LPIN2: variants seen among roughly 807,000 people sequenced by gnomAD.
LPIN2 encodes phosphatidate phosphatase LPIN2.
LPIN2 carries 55 observed loss-of-function variants against 111.4 expected under a neutral mutation model. The ratio of observed to expected loss-of-function variants is 0.49; its 90% CI spans 0.40 to 0.62. LPIN2 has a LOEUF of 0.62. LPIN2 is among the 20% of genes least tolerant of loss of function. The pLI, the probability that LPIN2 is intolerant of heterozygous loss-of-function variation, is 0.00. For synonymous variants in LPIN2, 425 were observed against 414.0 expected (o/e 1.03, Z -0.32); for missense variants, 992 against 1,112.1 (o/e 0.89, Z 1.54).
At chr18:2,982,299 G>T (rs1851864536) in intron 1 of LPIN2, among the ~76,000 whole-genome samples, 1 of 152,024 alleles carries the variant, frequency 6.6e-6, no homozygotes, top group Non-Finnish European at 1.5e-5. Flanking sequence ...ACTTTTATAT[G>T]ATTTTTACTA....
In LPIN2 at chr18:2,920,801, T is replaced by G. The variant is rs1181744023; in HGVS notation, c.2523A>C (p.Glu841Asp). The G allele has an allele frequency of 6.2e-7, 1 of 1,614,132 alleles. No individual in the cohort carries two copies. The highest frequency in any genetic ancestry group is 2.2e-5 in the East Asian group (1 of 44,882). Residue 841 changes from glutamate (E) to aspartate (D), a missense_variant, in exon 19 of 20, where the codon GAA (glutamate) becomes GAC (aspartate). By Grantham distance (45) the Glu-to-Asp change is conservative. Around this residue, in one of 4 missense-constraint regions of LPIN2, gnomAD observed 185 missense variants for 186.5 expected, o/e 0.99. Transcript: ENST00000677752. ...ACGATGACTTGTTTCCTTTGGTTCT[T>G]TCTTGTATTAATTCACCCTTGGGGT... is the stretch of plus-strand genomic sequence containing the variant. ...TVNPKGELIQ[E>D]RTKGNKSSYH...
At chr18:2,940,849 A>G in intron 4 of LPIN2, 137 bp from the exon 5 acceptor site, 1 of 677,148 alleles carries the variant, frequency 1.5e-6, no homozygotes, top group Non-Finnish European at 2.7e-6. Context: ...AAAATATATG[A>G]AGGAGAAGGG....
At chr18:2,994,121 G>A (rs1030099131) in intron 1 of LPIN2, among the ~76,000 whole-genome samples, 2 of 152,180 alleles carry the variant, frequency 1.3e-5, no homozygotes, top group African/African-American at 4.8e-5. Flanking sequence ...ATAAATGTAC[G>A]CCTATCATTC....
intron 1 of LPIN2, among the ~76,000 whole-genome samples, chr18:3,010,170 A>G (rs1316658009): frequency 6.6e-6 from 1 of 152,216 alleles, no homozygotes; most frequent in Non-Finnish European, 1.5e-5. Flanking sequence ...CACACATGTA[A>G]TAAGCGTTTA....
intron 1 of LPIN2, among the ~76,000 whole-genome samples, chr18:2,966,523 A>C (rs2077806712): frequency 6.6e-6 from 1 of 152,218 alleles, no homozygotes; most frequent in Non-Finnish European, 1.5e-5. Context: ...TTAATATTCA[A>C]ACTCAAGTAT....
At chr18:2,958,141 C>CCAAAAAAAAAAAAAAA in intron 2 of LPIN2, among the ~76,000 whole-genome samples, 1 of 11,946 alleles carries the variant, frequency 8.4e-5, no homozygotes, top group South Asian at 3.3e-3. Flanking sequence ...GACTCCATCT[C>CCAAAAAAAAAAAAAAA]AAAAAAAAAA....
At chr18:2,971,714 G>T (rs2077915744) in intron 1 of LPIN2, among the ~76,000 whole-genome samples, 1 of 145,960 alleles carries the variant, frequency 6.9e-6, no homozygotes, top group Non-Finnish European at 1.5e-5. Context: ...TAAAATTCAA[G>T]AGGTAAGTGA....
At chr18:2,974,449 T>C (rs992588663) in intron 1 of LPIN2, among the ~76,000 whole-genome samples, 1 of 152,232 alleles carries the variant, frequency 6.6e-6, no homozygotes, top group African/African-American at 2.4e-5. Context: ...AATCCTTCCT[T>C]TGTAAAATAA....
chr18:3,009,140 C>A (rs2078562884), intron 1 of LPIN2, among the ~76,000 whole-genome samples: 1 of 152,080 alleles, frequency 6.6e-6, no homozygotes, highest in Non-Finnish European at 1.5e-5. Flanking sequence ...TGGCTCACGT[C>A]TGTAATCCCA....
At chr18:3,010,738 T>C (rs2078588634) in intron 1 of LPIN2, among the ~76,000 whole-genome samples, 1 of 152,138 alleles carries the variant, frequency 6.6e-6, no homozygotes, top group Non-Finnish European at 1.5e-5. Flanking sequence ...CACTAATCTA[T>C]CAACTAACAA....
intron 4 of LPIN2, among the ~76,000 whole-genome samples, chr18:2,942,787 A>C (rs2077382401): frequency 6.6e-6 from 1 of 152,242 alleles, no homozygotes; most frequent in South Asian, 2.1e-4. Flanking sequence ...TCAAAATGGC[A>C]GGTATGCCTT....
intron 1 of LPIN2, among the ~76,000 whole-genome samples, chr18:2,970,753 A>C (rs537952768): frequency 1.3e-5 from 2 of 152,188 alleles, no homozygotes; most frequent in East Asian, 1.9e-4. Context: ...AAAAATTTTT[A>C]ATTTTTTAAA....
At chr18:2,966,814 G>A (rs1396482944) in intron 1 of LPIN2, among the ~76,000 whole-genome samples, 9 of 152,132 alleles carry the variant, frequency 5.9e-5, no homozygotes, top group Admixed American at 5.2e-4. Flanking sequence ...TCCTGGGAGC[G>A]CCACATGTCA....
At chr18:3,001,862 A>T (rs1418155458) in intron 1 of LPIN2, among the ~76,000 whole-genome samples, 1 of 152,214 alleles carries the variant, frequency 6.6e-6, no homozygotes, top group African/African-American at 2.4e-5. Flanking sequence ...AATAAGAATC[A>T]CATTTACAGA....
intron 7 of LPIN2, 42 bp downstream of exon 7, chr18:2,937,650 C>T (rs538285433): frequency 2.0e-6 from 3 of 1,479,304 alleles, no homozygotes; most frequent in African/African-American, 1.4e-5. Context: ...AATTTACCAT[C>T]TAATTTGAGA....
Position 2,920,261 on chromosome 18 carries a change from A to AC in LPIN2, c.*31dup. Reference sequence around the variant, plus strand: ...GCCTTCCCTTGCTGTGGGGAGGGGGACCAAGCCCTGCCCACCCACTGAGGT... The same window carrying AC: ...GCCTTCCCTTGCTGTGGGGAGGGGGACCCAAGCCCTGCCCACCCACTGAGGT... On this transcript the variant is annotated 3_prime_UTR_variant, in exon 20 of 20. Coordinates refer to ENST00000677752, the MANE Select transcript of LPIN2 (RefSeq NM_001375808.2). 1 of 1,613,526 alleles carries AC rather than the reference A, an allele frequency of 6.2e-7. No homozygotes were observed. Among genetic ancestry groups the AC allele is most frequent in the South Asian group, 1.1e-5 (1 of 91,060 alleles).
intron 7 of LPIN2, among the ~76,000 whole-genome samples, chr18:2,935,514 A>T (rs1598537259): frequency 1.3e-5 from 2 of 152,176 alleles, no homozygotes; most frequent in Non-Finnish European, 2.9e-5. Flanking sequence ...TAGGAGAGAG[A>T]GTTCTAAAAT....
At chr18:2,940,758 T>A in intron 4 of LPIN2, 46 bp from the exon 5 acceptor site, 1 of 1,175,444 alleles carries the variant, frequency 8.5e-7, no homozygotes. Context: ...GACATTCTTG[T>A]CAGCTTTAAA....
At chr18:3,000,810 G>T (rs73367294) in intron 1 of LPIN2, among the ~76,000 whole-genome samples, 6,706 of 152,226 alleles carry the variant, frequency 0.044, 197 homozygotes, top group East Asian at 0.076. Context: ...GGTACTTCCC[G>T]TGTTCCCTCC....
Sources: gnomAD v4.1 joint callset for allele counts (sites outside exome capture counted in the v4.1 genomes callset) on GRCh38, gnomAD v4.1.1 for gene constraint, gnomAD v4.1.1 regional missense constraint, MANE v1.5 for transcripts, NCBI Gene and HGNC (gene_info 2026-07-23, HGNC 2026-07-21) for gene names.